MARCHF1: variants seen among roughly 807,000 people sequenced by gnomAD.
MARCHF1 encodes the protein membrane associated ring-CH-type finger 1, also known as E3 ubiquitin-protein ligase MARCHF1.
A neutral mutation model predicts 54.2 loss-of-function variants in MARCHF1; 40 were observed. That is an observed-to-expected ratio of 0.74 (90% confidence interval 0.57 to 0.96). MARCHF1 has a LOEUF of 0.96. MARCHF1 is among the 40% of genes least tolerant of loss of function. The probability of loss-of-function intolerance (pLI) is 0.00; values close to 1 mark genes in which losing one functional copy is unlikely to be tolerated. For synonymous variants in MARCHF1, 236 were observed against 236.3 expected, an observed-to-expected ratio of 1.00 and a Z score of 0.01; for missense variants, 586 against 656.5, an observed-to-expected ratio of 0.89 and a Z score of 1.17.
chr4:163,743,207 C>T (rs529203974), intron 4 of MARCHF1, among the ~76,000 whole-genome samples: 78 of 152,258 alleles, frequency 5.1e-4, no homozygotes, highest in South Asian at 1.2e-3. Flanking sequence ...TTGACTAACA[C>T]TGGGCATTCA....
chr4:163,862,799 A>T (rs1204751813), intron 3 of MARCHF1, among the ~76,000 whole-genome samples: 1 of 152,104 alleles, frequency 6.6e-6, no homozygotes, highest in Non-Finnish European at 1.5e-5. Flanking sequence ...AATCACCAAA[A>T]ACTGGAAGCA....
chr4:163,871,276 T>G (rs994250427), intron 3 of MARCHF1, among the ~76,000 whole-genome samples: 3 of 152,300 alleles, frequency 2.0e-5, no homozygotes, highest in East Asian at 3.9e-4. Flanking sequence ...CACAATCATA[T>G]CTGAAGAGTC....
chr4:163,669,816 C>T (rs567752589), intron 5 of MARCHF1, among the ~76,000 whole-genome samples: 1 of 152,178 alleles, frequency 6.6e-6, no homozygotes, highest in African/African-American at 2.4e-5. Flanking sequence ...CCAGGGTGAT[C>T]TTGAACTTCT....
At chr4:163,807,206 C>T in intron 4 of MARCHF1, among the ~76,000 whole-genome samples, 1 of 152,054 alleles carries the variant, frequency 6.6e-6, no homozygotes, top group East Asian at 1.9e-4. Context: ...AATATATAAA[C>T]AATTTACTAT....
chr4:163,583,652 G>GTGTTTTTT, intron 8 of MARCHF1: 1 of 123,792 alleles, frequency 8.1e-6, no homozygotes, highest in South Asian at 2.7e-4. Flanking sequence ...TTTTTTGTGT[G>GTGTTTTTT]TTTTTTTTTT....
chr4:163,901,570 G>A (rs1285685354), intron 3 of MARCHF1, among the ~76,000 whole-genome samples: 2 of 152,138 alleles, frequency 1.3e-5, no homozygotes, highest in Non-Finnish European at 2.9e-5. Context: ...CACACAGAGA[G>A]TTTTAATACG....
chr4:163,564,301 T>C (rs546382351), intron 8 of MARCHF1, among the ~76,000 whole-genome samples: 13 of 152,122 alleles, frequency 8.5e-5, no homozygotes, highest in Non-Finnish European at 1.8e-4. Context: ...ATCACAATAA[T>C]GGAAAGAAAA....
intron 1 of MARCHF1, among the ~76,000 whole-genome samples, chr4:164,226,157 T>C (rs1370170019): frequency 1.3e-5 from 2 of 151,992 alleles, no homozygotes; most frequent in African/African-American, 2.4e-5. Context: ...AAATTAACAT[T>C]AAGAATAAAA....
chr4:163,612,274 C>T lies in MARCHF1; in HGVS notation c.1007G>A (p.Cys336Tyr), dbSNP rs560380603. The T allele has an allele frequency of 1.5e-5, 22 of 1,496,758 alleles. No homozygotes were observed. In the East Asian group the frequency reaches 4.4e-4, roughly 30 times the overall value. 92.7% of individuals were successfully genotyped at this position (1,496,758 alleles called of 1,614,324 possible). Residue 336 changes from cysteine (C) to tyrosine (Y), a missense_variant, in exon 7 of 10, where the codon TGC (cysteine) becomes TAC (tyrosine). Physicochemically the swap from Cys to Tyr is radical, Grantham distance 194. Transcript: ENST00000514618. ...GCCTTTCTCTACAGTGACTGACCTG[C>T]ATACTTCTAAATTATCAGACCCATC... The part of the protein sequence containing the change: ...YDDGSDNLEV[C>Y]RICHCEGDEE...
intron 5 of MARCHF1, among the ~76,000 whole-genome samples, chr4:163,688,858 AT>A (rs770081262): frequency 1.3e-5 from 2 of 152,196 alleles, no homozygotes; most frequent in Non-Finnish European, 2.9e-5. Flanking sequence ...GTTATACTGA[AT>A]TATTGAGTAT....
chr4:163,715,805 G>A (rs1262205716), intron 4 of MARCHF1, among the ~76,000 whole-genome samples: 2 of 152,042 alleles, frequency 1.3e-5, no homozygotes, highest in African/African-American at 4.8e-5. Flanking sequence ...AAAACATAAA[G>A]GCATTAATGC....
At chr4:164,351,742 CG>C (rs1561014119) in intron 1 of MARCHF1, among the ~76,000 whole-genome samples, 1 of 151,960 alleles carries the variant, frequency 6.6e-6, no homozygotes, top group East Asian at 1.9e-4. Context: ...TCACCAGCAG[CG>C]GAACAAAGCT....
intron 5 of MARCHF1, among the ~76,000 whole-genome samples, chr4:163,615,471 C>T (rs751639515): frequency 6.6e-5 from 10 of 151,804 alleles, no homozygotes; most frequent in Non-Finnish European, 1.5e-5. Flanking sequence ...AGAGAAATCC[C>T]ATTTATAATG....
At chr4:164,034,185 C>T (rs748073085) in intron 2 of MARCHF1, among the ~76,000 whole-genome samples, 14 of 151,998 alleles carry the variant, frequency 9.2e-5, no homozygotes, top group Admixed American at 3.9e-4. Context: ...TTTGCAGGGA[C>T]ATGGATGAAG....
At chr4:163,928,980 T>C (rs1305422944) in intron 3 of MARCHF1, among the ~76,000 whole-genome samples, 1 of 151,956 alleles carries the variant, frequency 6.6e-6, no homozygotes, top group Non-Finnish European at 1.5e-5. Context: ...TTTAAGAAGC[T>C]TTGTAACTTT....
chr4:163,997,374 T>C (rs886495095), intron 2 of MARCHF1, among the ~76,000 whole-genome samples: 18 of 152,010 alleles, frequency 1.2e-4, no homozygotes, highest in Non-Finnish European at 2.6e-4. Flanking sequence ...GTCTTGAACA[T>C]AGTCCAACAG....
intron 7 of MARCHF1, among the ~76,000 whole-genome samples, chr4:163,605,778 C>T (rs942874860): frequency 6.6e-6 from 1 of 152,108 alleles, no homozygotes; most frequent in African/African-American, 2.4e-5. Context: ...AAGCTGGAAA[C>T]CATCATTCTC....
chr4:163,946,454 C>A (rs905463960), intron 3 of MARCHF1, among the ~76,000 whole-genome samples: 6 of 152,078 alleles, frequency 3.9e-5, no homozygotes, highest in Admixed American at 1.3e-4. Flanking sequence ...AATTTTATAC[C>A]TTGGTCTATT....
At chr4:164,065,778 C>A (rs1184222719) in intron 2 of MARCHF1, among the ~76,000 whole-genome samples, 1 of 152,140 alleles carries the variant, frequency 6.6e-6, no homozygotes, top group Non-Finnish European at 1.5e-5. Flanking sequence ...CCAGGCAAAC[C>A]ACTGGTGTAA....
Sources: gnomAD v4.1 joint callset for allele counts (sites outside exome capture counted in the v4.1 genomes callset) on GRCh38, gnomAD v4.1.1 for gene constraint, MANE v1.5 for transcripts, NCBI Gene and HGNC (gene_info 2026-07-23, HGNC 2026-07-21) for gene names.